MYRIP: variants seen among roughly 807,000 people sequenced by gnomAD.
The protein encoded by MYRIP is myosin VIIA and Rab interacting protein.
Under a neutral mutation model 98.0 loss-of-function variants are expected in MYRIP, and 49 were observed. The ratio of observed to expected loss-of-function variants is 0.50; its 90% CI spans 0.40 to 0.63. The LOEUF (loss-of-function observed/expected upper bound fraction) is 0.63. MYRIP is among the 30% of genes least tolerant of loss of function. The pLI, the probability that MYRIP is intolerant of heterozygous loss-of-function variation, is 0.00. For synonymous variants in MYRIP, 404 were observed against 409.5 expected, an observed-to-expected ratio of 0.99 and a Z score of 0.16; for missense variants, 1,004 against 1,058.2, an observed-to-expected ratio of 0.95 and a Z score of 0.71.
intron 1 of MYRIP, among the ~76,000 whole-genome samples, chr3:39,858,437 A>G (rs1942369530): frequency 1.3e-5 from 2 of 152,182 alleles, no homozygotes; most frequent in African/African-American, 4.8e-5. Flanking sequence ...CAATGCAGTA[A>G]CAGTAAAAGA....
chr3:40,013,378 T>A (rs577403009), intron 2 of MYRIP, among the ~76,000 whole-genome samples: 3 of 152,342 alleles, frequency 2.0e-5, no homozygotes, highest in Admixed American at 6.5e-5. Context: ...AAAGAGATCA[T>A]GGAAGTGTCT....
intron 3 of MYRIP, among the ~76,000 whole-genome samples, chr3:40,123,311 G>C (rs1949445201): frequency 6.6e-6 from 1 of 152,182 alleles, no homozygotes; most frequent in Admixed American, 6.5e-5. Context: ...AGAAGTTTCA[G>C]TAAGCTGAAG....
At chr3:40,153,655 C>CA (rs1491398146) in intron 4 of MYRIP, among the ~76,000 whole-genome samples, 1 of 152,180 alleles carries the variant, frequency 6.6e-6, no homozygotes, top group Non-Finnish European at 1.5e-5. Context: ...AGCTAGAACT[C>CA]AGAGTAATTA....
chr3:40,206,548 C>T (rs1951797545), intron 10 of MYRIP, among the ~76,000 whole-genome samples: 1 of 152,130 alleles, frequency 6.6e-6, no homozygotes, highest in African/African-American at 2.4e-5. Flanking sequence ...TATTCTAATT[C>T]CCCTTCCTGA....
intron 3 of MYRIP, among the ~76,000 whole-genome samples, chr3:40,141,306 G>T (rs1949889083): frequency 1.3e-5 from 2 of 151,982 alleles, no homozygotes; most frequent in African/African-American, 4.8e-5. Context: ...TGGATTGTTT[G>T]TTTTTTTGCT....
intron 2 of MYRIP, among the ~76,000 whole-genome samples, chr3:39,967,318 C>CCATT (rs1191995117): frequency 6.6e-6 from 1 of 152,112 alleles, no homozygotes; most frequent in Non-Finnish European, 1.5e-5. Context: ...CACTTAGCAC[C>CCATT]CATTCATAAG....
rs1433971296 is a variant in MYRIP at position 40,016,804 on chromosome 3, CAGTT to C, written c.111-27244_111-27241del. Among the ~76,000 whole-genome samples, 4 of 152,222 alleles carry C rather than the reference CAGTT, an allele frequency of 2.6e-5. No individual in the cohort carries two copies. The South Asian group carries it at 8.3e-4, about 31-fold the overall frequency. ...AACGTACACAAAGCATACGTGCAGT[CAGTT>C]AAAGTTTGTGCGGATTACAAGTCAC... On this transcript the variant is annotated intron_variant, in intron 2 of 16. Transcript: ENST00000302541.
intron 3 of MYRIP, among the ~76,000 whole-genome samples, chr3:40,066,426 C>A (rs1352362778): frequency 6.6e-6 from 1 of 152,076 alleles, no homozygotes. Context: ...TATGTGGCAT[C>A]CCCACTCCTG....
intron 2 of MYRIP, among the ~76,000 whole-genome samples, chr3:40,027,517 T>C (rs1216783523): frequency 1.3e-5 from 2 of 152,144 alleles, no homozygotes; most frequent in African/African-American, 4.8e-5. Flanking sequence ...CTCATCTTCA[T>C]GTTTTAACTG....
chr3:40,066,125 C>G (rs571590607), intron 3 of MYRIP, among the ~76,000 whole-genome samples: 1 of 152,110 alleles, frequency 6.6e-6, no homozygotes, highest in Non-Finnish European at 1.5e-5. Flanking sequence ...CAGTGTTGCT[C>G]GTCATTTCAG....
chr3:40,064,639 C>A (rs564459922), intron 3 of MYRIP, among the ~76,000 whole-genome samples: 2 of 152,304 alleles, frequency 1.3e-5, no homozygotes, highest in African/African-American at 4.8e-5. Context: ...CCTGAAGCCA[C>A]GGAGGTCCTG....
intron 10 of MYRIP, among the ~76,000 whole-genome samples, chr3:40,192,345 T>TATATATATATGTC (rs1559445055): frequency 3.0e-4 from 37 of 122,104 alleles, no homozygotes; most frequent in African/African-American, 8.9e-4. Flanking sequence ...ATATATGTCA[T>TATATATATATGTC]ATATATATTT....
intron 1 of MYRIP, among the ~76,000 whole-genome samples, chr3:39,833,971 G>A (rs1232100529): frequency 6.6e-6 from 1 of 152,212 alleles, no homozygotes; most frequent in East Asian, 1.9e-4. Flanking sequence ...AAAGGTTACA[G>A]TGAGCCAAGA....
At chr3:39,832,465 A>G (rs959263647) in intron 1 of MYRIP, among the ~76,000 whole-genome samples, 3 of 152,314 alleles carry the variant, frequency 2.0e-5, no homozygotes, top group East Asian at 1.9e-4. Flanking sequence ...TTGAGATGAC[A>G]TGCATTCAAT....
chr3:39,964,201 C>T (rs1013589543), intron 2 of MYRIP, among the ~76,000 whole-genome samples: 11 of 151,886 alleles, frequency 7.2e-5, no homozygotes, highest in East Asian at 1.9e-4. Flanking sequence ...CCATTATGAG[C>T]GACTTGGATT....
chr3:39,958,812 A>T (rs1945243682), intron 2 of MYRIP, among the ~76,000 whole-genome samples: 1 of 152,188 alleles, frequency 6.6e-6, no homozygotes, highest in African/African-American at 2.4e-5. Flanking sequence ...GAATCTACAA[A>T]GAACTTAAAC....
rs563295946 is a variant in MYRIP, at chr3:39,880,628, T to C, written c.-30-20159T>C. Among the ~76,000 whole-genome samples, 4 of 152,304 alleles carry C rather than the reference T, an allele frequency of 2.6e-5. No homozygotes were observed. The South Asian group carries it at 8.3e-4, about 32-fold the overall frequency. ...GTTAGCTTCAACAAGTTACTTGGTC[T>C]TTTTTTGCTTCTATTTACTCATCTG... On this transcript the variant is annotated intron_variant, in intron 1 of 16. Coordinates refer to ENST00000302541, the MANE Select transcript of MYRIP (RefSeq NM_015460.4).
intron 1 of MYRIP, among the ~76,000 whole-genome samples, chr3:39,890,613 G>C (rs1943460120): frequency 6.7e-6 from 1 of 150,308 alleles, no homozygotes; most frequent in Admixed American, 6.6e-5. Context: ...CATAGGGGTA[G>C]GGGCTGTGGT....
chr3:40,081,410 A>G (rs1429578940), intron 3 of MYRIP, among the ~76,000 whole-genome samples: 2 of 152,190 alleles, frequency 1.3e-5, no homozygotes, highest in Admixed American at 1.3e-4. Flanking sequence ...TTTGAGGTCA[A>G]GTTATTAGGT....
Sources: allele counts gnomAD v4.1 joint callset (sites outside exome capture counted in the v4.1 genomes callset), GRCh38; gene constraint gnomAD v4.1.1; transcripts MANE v1.5; gene names NCBI Gene and HGNC (gene_info 2026-07-23, HGNC 2026-07-21).